BMPR1B: variants seen among roughly 807,000 people sequenced by gnomAD.
BMPR1B encodes bone morphogenetic protein receptor type 1B.
A neutral mutation model predicts 59.1 loss-of-function variants in BMPR1B; 12 were observed. The ratio of observed to expected loss-of-function variants is 0.20; its 90% CI spans 0.13 to 0.33. The LOEUF (loss-of-function observed/expected upper bound fraction) is 0.33. BMPR1B is among the 10% of genes least tolerant of loss of function. The pLI, the probability that BMPR1B is intolerant of heterozygous loss-of-function variation, is 1.00. For synonymous variants in BMPR1B, 237 were observed against 207.3 expected, an observed-to-expected ratio of 1.14 and a Z score of -1.23; for missense variants, 550 against 610.9, an observed-to-expected ratio of 0.90 and a Z score of 1.05.
intron 3 of BMPR1B, among the ~76,000 whole-genome samples, chr4:95,096,942 GTAAC>G (rs1374344057): frequency 3.2e-4 from 45 of 140,280 alleles, no homozygotes; most frequent in Non-Finnish European, 2.0e-4. Context: ...TTAAATATAT[GTAAC>G]TAAAGTTATA....
chr4:95,025,318 A>T (rs1478663775), intron 3 of BMPR1B, among the ~76,000 whole-genome samples: 3 of 152,088 alleles, frequency 2.0e-5, no homozygotes, highest in African/African-American at 7.2e-5. Flanking sequence ...CAGTGAAGTC[A>T]TGTGTGTTTT....
chr4:94,841,518 C>T (rs919260371), intron 1 of BMPR1B, among the ~76,000 whole-genome samples: 2 of 152,284 alleles, frequency 1.3e-5, no homozygotes, highest in Middle Eastern at 3.4e-3. Flanking sequence ...GGGAGTGACC[C>T]GATTTTCCAG....
intron 3 of BMPR1B, chr4:95,103,645 A>G: frequency 3.4e-6 from 1 of 292,446 alleles, no homozygotes; most frequent in Non-Finnish European, 5.1e-6. Context: ...TTATAAAGTT[A>G]TCTAAGGACA....
intron 10 of BMPR1B, among the ~76,000 whole-genome samples, chr4:95,138,808 C>G (rs753610084): frequency 6.6e-5 from 10 of 152,156 alleles, no homozygotes; most frequent in Admixed American, 3.9e-4. Flanking sequence ...AGCCATTCGT[C>G]TAATCTTTTT....
At chr4:95,104,119 CTA>C (rs918153875) in intron 3 of BMPR1B, among the ~76,000 whole-genome samples, 8 of 151,638 alleles carry the variant, frequency 5.3e-5, no homozygotes. Flanking sequence ...TAGAGGTTGT[CTA>C]TATAATGTCT....
At chr4:94,992,119 C>T (rs929784488) in intron 2 of BMPR1B, among the ~76,000 whole-genome samples, 1 of 152,156 alleles carries the variant, frequency 6.6e-6, no homozygotes, top group Admixed American at 6.5e-5. Flanking sequence ...AGAAGAGCCC[C>T]GCTTGACTCT....
At chr4:94,908,045 A>G (rs1728114497) in intron 2 of BMPR1B, among the ~76,000 whole-genome samples, 1 of 129,586 alleles carries the variant, frequency 7.7e-6, no homozygotes, top group African/African-American at 2.9e-5. Flanking sequence ...TGGGCAATGC[A>G]GTGAGACCCT....
chr4:94,803,315 C>T lies in BMPR1B; in HGVS notation c.-183+45247C>T, dbSNP rs190274607. Among the ~76,000 whole-genome samples, 5 of 152,274 alleles carry T rather than the reference C, an allele frequency of 3.3e-5. No homozygotes were observed. The East Asian group carries it at 9.7e-4, about 29-fold the overall frequency. On this transcript the variant is annotated intron_variant, in intron 1 of 12. Transcript: ENST00000515059. Reference sequence around the variant, plus strand: ...AGATCTGGGTTGGTTCTACCCTGCACAGTAATCTGGCACTGTTCAGGAATG... The same window carrying T: ...AGATCTGGGTTGGTTCTACCCTGCATAGTAATCTGGCACTGTTCAGGAATG...
At chr4:95,116,421 G>GCGCACACACACACACACACACA in intron 6 of BMPR1B, among the ~76,000 whole-genome samples, 245 of 123,236 alleles carry the variant, frequency 2.0e-3, no homozygotes, top group African/African-American at 7.7e-3. Context: ...TTCAGCGCGC[G>GCGCACACACACACACACACACA]CACACACACA....
intron 6 of BMPR1B, among the ~76,000 whole-genome samples, chr4:95,119,974 A>T (rs1732353909): frequency 6.6e-6 from 1 of 152,066 alleles, no homozygotes; most frequent in South Asian, 2.1e-4. Flanking sequence ...AGTTTATTGG[A>T]CCCAGGTAGT....
intron 3 of BMPR1B, among the ~76,000 whole-genome samples, chr4:95,023,626 A>G (rs1298167179): frequency 5.3e-5 from 8 of 152,012 alleles, no homozygotes; most frequent in East Asian, 3.9e-4. Context: ...GGCTCAAGCA[A>G]TCCTCCTGAT....
intron 3 of BMPR1B, among the ~76,000 whole-genome samples, chr4:95,081,440 A>G (rs1273514730): frequency 6.6e-6 from 1 of 152,202 alleles, no homozygotes; most frequent in Non-Finnish European, 1.5e-5. Flanking sequence ...TTCAAGGAAA[A>G]CAGTTGACAG....
At chr4:94,914,058 T>A (rs1054360778) in intron 2 of BMPR1B, among the ~76,000 whole-genome samples, 6 of 152,144 alleles carry the variant, frequency 3.9e-5, no homozygotes, top group Non-Finnish European at 5.9e-5. Flanking sequence ...GATAAAATGC[T>A]TTGAGCACCT....
At chr4:95,113,228 C>T (rs557985822) in intron 4 of BMPR1B, among the ~76,000 whole-genome samples, 1 of 152,252 alleles carries the variant, frequency 6.6e-6, no homozygotes, top group South Asian at 2.1e-4. Context: ...ATGGGCTGTT[C>T]AGAGACAGTC....
chr4:95,121,567 T>A (rs1324775299), intron 6 of BMPR1B, among the ~76,000 whole-genome samples: 3 of 152,066 alleles, frequency 2.0e-5, no homozygotes, highest in Non-Finnish European at 2.9e-5. Flanking sequence ...AATAAAAAAT[T>A]TGAATGCAAA....
At chr4:94,784,931 A>G (rs1722710825) in intron 1 of BMPR1B, among the ~76,000 whole-genome samples, 1 of 152,186 alleles carries the variant, frequency 6.6e-6, no homozygotes, top group South Asian at 2.1e-4. Flanking sequence ...TCAAGGCATG[A>G]TGTGCCGCAT....
chr4:94,978,457 A>G (rs530413828), intron 2 of BMPR1B, among the ~76,000 whole-genome samples: 45 of 152,264 alleles, frequency 3.0e-4, no homozygotes, highest in African/African-American at 1.1e-3. Context: ...TCCACATTGG[A>G]TGGTTTGGCC....
At chr4:95,016,624 A>G (rs1056993217) in intron 3 of BMPR1B, among the ~76,000 whole-genome samples, 2 of 152,338 alleles carry the variant, frequency 1.3e-5, no homozygotes, top group Admixed American at 6.5e-5. Flanking sequence ...AAGAATGGCA[A>G]GAGAAGGAGA....
At chr4:95,085,955 G>C (rs1459620541) in intron 3 of BMPR1B, among the ~76,000 whole-genome samples, 1 of 151,574 alleles carries the variant, frequency 6.6e-6, no homozygotes. Context: ...GTTACCTGTT[G>C]ACCCTCACTG....
Sources: gnomAD v4.1 joint callset for allele counts (sites outside exome capture counted in the v4.1 genomes callset) on GRCh38, gnomAD v4.1.1 for gene constraint, MANE v1.5 for transcripts, NCBI Gene and HGNC (gene_info 2026-07-23, HGNC 2026-07-21) for gene names.